The following KLHL13 variants were observed in gnomAD, a reference collection of about 807,000 sequenced individuals.
KLHL13 encodes the protein kelch like family member 13.
KLHL13 carries 10 observed loss-of-function variants against 37.1 expected under a neutral mutation model. That is an observed-to-expected ratio of 0.27 (90% confidence interval 0.17 to 0.46). The LOEUF is 0.46. KLHL13 is among the 20% of genes least tolerant of loss of function. KLHL13 has a pLI of 1.00. For synonymous variants in KLHL13, 163 were observed against 181.2 expected (o/e 0.90, Z 0.81); for missense variants, 360 against 509.3 (o/e 0.71, Z 2.82).
At chrX:117,930,045 C>T (rs1932322822) in intron 2 of KLHL13, among the ~76,000 whole-genome samples, 1 of 108,013 alleles carries the variant, frequency 9.3e-6, no homozygotes, top group Non-Finnish European at 1.9e-5. Context: ...TAACATCATA[C>T]TTAATGGTGA....
intron 1 of KLHL13, among the ~76,000 whole-genome samples, chrX:118,068,221 G>A (rs2054815842): frequency 1.8e-5 from 2 of 111,738 alleles, no homozygotes; most frequent in Admixed American, 1.9e-4. Flanking sequence ...AATTTCTGTT[G>A]GATCCAGCCT....
intron 4 of KLHL13, among the ~76,000 whole-genome samples, chrX:117,918,841 G>T (rs1931524285): frequency 8.9e-6 from 1 of 111,833 alleles, no homozygotes; most frequent in Non-Finnish European, 1.9e-5. Context: ...CTTATTAAAA[G>T]AAGAAATTTT....
At chrX:118,022,765 T>G (rs2054233293) in intron 1 of KLHL13, among the ~76,000 whole-genome samples, 1 of 112,385 alleles carries the variant, frequency 8.9e-6, no homozygotes, top group Non-Finnish European at 1.9e-5. Flanking sequence ...TTTGCAAATA[T>G]TTCCTCCCAA....
chrX:117,980,466 A>G (rs1213667006), intron 1 of KLHL13, among the ~76,000 whole-genome samples: 2 of 111,913 alleles, frequency 1.8e-5, no homozygotes, highest in Admixed American at 1.9e-4. Flanking sequence ...AGTTATTACA[A>G]CATTCACATG....
intron 1 of KLHL13, among the ~76,000 whole-genome samples, chrX:118,070,277 C>T (rs2054843719): frequency 1.8e-5 from 2 of 112,480 alleles, no homozygotes; most frequent in African/African-American, 3.2e-5. Context: ...GTTTTGCTTA[C>T]GCTGCACCTC....
intron 1 of KLHL13, among the ~76,000 whole-genome samples, chrX:117,951,639 A>G (rs188279717): frequency 8.9e-6 from 1 of 111,947 alleles, no homozygotes; most frequent in African/African-American, 3.2e-5. Context: ...ATAAGAAGCT[A>G]TTGCACAGGC....
intron 1 of KLHL13, among the ~76,000 whole-genome samples, chrX:118,029,284 G>A (rs1331921499): frequency 1.8e-5 from 2 of 111,362 alleles, no homozygotes; most frequent in Non-Finnish European, 3.8e-5. Context: ...AGGAACTTGG[G>A]GTCTGAGAAG....
intron 1 of KLHL13, among the ~76,000 whole-genome samples, chrX:118,036,576 T>C (rs1394200102): frequency 8.9e-6 from 1 of 111,860 alleles, no homozygotes; most frequent in African/African-American, 3.3e-5. Context: ...TCCTTATACC[T>C]TATACAAAAA....
At chrX:117,969,561 A>T (rs776744818) in intron 1 of KLHL13, among the ~76,000 whole-genome samples, 1 of 111,361 alleles carries the variant, frequency 9.0e-6, no homozygotes, top group East Asian at 2.8e-4. Context: ...ACAGAGTGCA[A>T]AGCAAACACA....
chrX:118,088,155 A>T (rs935253506), intron 1 of KLHL13, among the ~76,000 whole-genome samples: 5 of 111,950 alleles, frequency 4.5e-5, no homozygotes, highest in African/African-American at 1.6e-4. Context: ...ATTCACAGTA[A>T]GCTACTGAAG....
At chrX:118,073,268 C>A (rs1025840062) in intron 1 of KLHL13, among the ~76,000 whole-genome samples, 15 of 111,307 alleles carry the variant, frequency 1.3e-4, no homozygotes, top group Admixed American at 4.8e-4. Flanking sequence ...GGAAGCCTCA[C>A]AATCATGGTG....
intron 1 of KLHL13, among the ~76,000 whole-genome samples, chrX:118,063,068 G>C (rs1240188310): frequency 9.0e-6 from 1 of 111,547 alleles, no homozygotes; most frequent in African/African-American, 3.3e-5. Context: ...CCTAGCAGCA[G>C]CCTAGCATTG....
At chrX:118,059,683 C>T (rs920450850) in intron 1 of KLHL13, among the ~76,000 whole-genome samples, 9 of 111,595 alleles carry the variant, frequency 8.1e-5, no homozygotes, top group Non-Finnish European at 1.7e-4. Context: ...CATGCACACA[C>T]ACCCCCAACT....
chrX:117,964,763 G>A (rs182096419), intron 1 of KLHL13, among the ~76,000 whole-genome samples: 50 of 110,622 alleles, frequency 4.5e-4, no homozygotes, highest in African/African-American at 1.6e-3. Context: ...ACAGTCCCCA[G>A]AGTGTGATGT....
At chrX:118,034,836 G>A (rs2054414116) in intron 1 of KLHL13, among the ~76,000 whole-genome samples, 1 of 71,576 alleles carries the variant, frequency 1.4e-5, no homozygotes, top group Non-Finnish European at 2.4e-5. Flanking sequence ...AAAATTGATA[G>A]ACCGCTAGCA....
chrX:118,015,135 T>C (rs142525134), intron 1 of KLHL13, among the ~76,000 whole-genome samples: 9,405 of 111,053 alleles, frequency 0.085, 358 homozygotes, highest in Middle Eastern at 0.14. Context: ...TTCACACAGC[T>C]AGTAAGTAGC....
chrX:117,991,864 T>A (rs2053794933), intron 1 of KLHL13, among the ~76,000 whole-genome samples: 1 of 96,684 alleles, frequency 1.0e-5, no homozygotes, highest in African/African-American at 4.9e-5. Flanking sequence ...TCTCTCTCTC[T>A]CTCTCTCTCT....
chrX:117,904,297 A>C (rs1346922305), intron 5 of KLHL13, among the ~76,000 whole-genome samples: 1 of 111,719 alleles, frequency 9.0e-6, no homozygotes, highest in African/African-American at 3.3e-5. Flanking sequence ...TTATTTTAAA[A>C]TAAAATACAT....
intron 1 of KLHL13, among the ~76,000 whole-genome samples, chrX:118,071,307 T>C (rs2054861384): frequency 1.8e-5 from 2 of 111,532 alleles, no homozygotes; most frequent in Non-Finnish European, 3.8e-5. Flanking sequence ...GTATTTCTAG[T>C]TCTAGATCCC....
Sources: allele counts gnomAD v4.1 joint callset (sites outside exome capture counted in the v4.1 genomes callset), GRCh38; gene constraint gnomAD v4.1.1; transcripts MANE v1.5; gene names NCBI Gene and HGNC (gene_info 2026-07-23, HGNC 2026-07-21).